The following PCDH15 variants were observed in gnomAD, a reference collection of about 807,000 sequenced individuals.
PCDH15 encodes protocadherin-15.
In PCDH15, 129 loss-of-function variants were observed where a neutral mutation model predicts 178.5. That is an observed-to-expected ratio of 0.72 (90% confidence interval 0.63 to 0.84). PCDH15 has a LOEUF of 0.84. Among genes scored for constraint, PCDH15 ranks in the 40% least tolerant of loss-of-function variants. PCDH15 has a pLI of 0.00. For missense variants in PCDH15, 2,230 were observed against 2,099.9 expected (o/e 1.06, Z -1.21); for synonymous variants, 800 against 732.0 (o/e 1.09, Z -1.50).
chr10:54,492,553 C>A (rs139518906), intron 3 of PCDH15, among the ~76,000 whole-genome samples: 1 of 152,042 alleles, frequency 6.6e-6, no homozygotes, highest in African/African-American at 2.4e-5. Flanking sequence ...AACTGTGTTC[C>A]AAAATTATTA....
chr10:53,898,834 C>G (rs2082136839), intron 26 of PCDH15, among the ~76,000 whole-genome samples: 1 of 152,256 alleles, frequency 6.6e-6, no homozygotes, highest in Non-Finnish European at 1.5e-5. Context: ...TTCACTTCCC[C>G]TGAAGCACAT....
intron 1 of PCDH15, among the ~76,000 whole-genome samples, chr10:55,179,439 G>A (rs1343996809): frequency 1.3e-5 from 2 of 152,028 alleles, no homozygotes. Context: ...TGACCAGAGT[G>A]AGAATTTCTG....
intron 8 of PCDH15, among the ~76,000 whole-genome samples, chr10:54,274,485 T>C (rs1428446455): frequency 1.3e-5 from 2 of 152,068 alleles, no homozygotes; most frequent in African/African-American, 2.4e-5. Flanking sequence ...GGACTGTTGT[T>C]TGTTTTGTGC....
At chr10:55,242,147 T>G (rs1477805210) in intron 1 of PCDH15, among the ~76,000 whole-genome samples, 1 of 152,204 alleles carries the variant, frequency 6.6e-6, no homozygotes, top group African/African-American at 2.4e-5. Flanking sequence ...TAAGTCCAAC[T>G]ATTAGAAAGA....
intron 1 of PCDH15, among the ~76,000 whole-genome samples, chr10:55,223,711 A>G (rs570341266): frequency 5.6e-4 from 84 of 150,892 alleles, no homozygotes; most frequent in African/African-American, 2.0e-3. Flanking sequence ...AAAGATCACT[A>G]TGAAGCCATA....
chr10:54,697,672 A>AG (rs1555156410), intron 1 of PCDH15, among the ~76,000 whole-genome samples: 100 of 83,554 alleles, frequency 1.2e-3, no homozygotes, highest in Non-Finnish European at 1.3e-3. Flanking sequence ...GGAAGGGGGA[A>AG]GGGGAAGGGA....
intron 35 of PCDH15, among the ~76,000 whole-genome samples, chr10:53,811,929 T>A (rs2075878582): frequency 6.6e-6 from 1 of 152,216 alleles, no homozygotes; most frequent in Admixed American, 6.5e-5. Context: ...CACTTGTTTT[T>A]GGATGTCTTT....
At position 54,664,167 on chromosome 10, in the gene PCDH15, C is replaced by T. The variant is rs190879045; in HGVS notation, c.91+5G>A. On this transcript the variant is annotated splice_donor_5th_base_variant and intron_variant, in intron 2 of 37. Coordinates refer to ENST00000644397, the MANE Select transcript of PCDH15 (RefSeq NM_001384140.1). ...CTCTAAAGGTCAAGCTAAAAGCAAC[C>T]TTACCATCATCATACTGGCCCAAGC... 40 of 1,610,126 alleles carry T rather than the reference C, an allele frequency of 2.5e-5. No homozygotes were observed. In the East Asian group the frequency reaches 8.3e-4, roughly 33 times the overall value.
At chr10:55,416,553 G>A (rs1838488728) in intron 2 of PCDH15, among the ~76,000 whole-genome samples, 1 of 151,674 alleles carries the variant, frequency 6.6e-6, no homozygotes, top group African/African-American at 2.4e-5. Context: ...TAAGGGGTGG[G>A]TATCAGGGGA....
chr10:54,976,723 G>A (rs1045974287), intron 2 of PCDH15, among the ~76,000 whole-genome samples: 24 of 152,198 alleles, frequency 1.6e-4, no homozygotes, highest in African/African-American at 5.5e-4. Flanking sequence ...GTAAGGGATT[G>A]TAGAAATTCT....
intron 21 of PCDH15, among the ~76,000 whole-genome samples, chr10:53,979,754 C>T (rs934285177): frequency 2.4e-4 from 37 of 152,084 alleles, no homozygotes; most frequent in African/African-American, 6.8e-4. Flanking sequence ...TGCTATTAAA[C>T]GGAGGTGCTA....
intron 2 of PCDH15, among the ~76,000 whole-genome samples, chr10:55,097,540 T>C (rs934173075): frequency 1.9e-4 from 29 of 152,242 alleles, no homozygotes; most frequent in African/African-American, 6.7e-4. Context: ...TACAATTCTA[T>C]AAATTAAAGG....
intron 15 of PCDH15, among the ~76,000 whole-genome samples, chr10:54,124,859 C>T (rs10763073): frequency 0.98 from 149,124 of 152,316 alleles, 73,017 homozygotes; most frequent in East Asian, 1. Context: ...AAAAACAAAT[C>T]AATACCTCTG....
intron 28 of PCDH15, among the ~76,000 whole-genome samples, chr10:53,855,904 G>GTGTATATATATATATATATATA (rs1554832765): frequency 6.7e-4 from 73 of 109,684 alleles, no homozygotes; most frequent in African/African-American, 2.6e-3. Context: ...AAGGTGATAT[G>GTGTATATATATATATATATATA]TATATATATA....
chr10:54,920,284 C>G (rs1591784166), intron 2 of PCDH15, among the ~76,000 whole-genome samples: 1 of 151,898 alleles, frequency 6.6e-6, no homozygotes, highest in South Asian at 2.1e-4. Context: ...TCGTGGCTAA[C>G]ACGGTGAAAC....
chr10:55,398,474 C>T (rs1244260608), intron 2 of PCDH15, among the ~76,000 whole-genome samples: 1 of 152,074 alleles, frequency 6.6e-6, no homozygotes, highest in Non-Finnish European at 1.5e-5. Flanking sequence ...TATCCTGTTG[C>T]TAGTTGCAAG....
At chr10:54,796,274 G>GTCTATGTATCTATCTATC (rs1951982985) in intron 1 of PCDH15, among the ~76,000 whole-genome samples, 4 of 56,960 alleles carry the variant, frequency 7.0e-5, no homozygotes, top group Admixed American at 3.2e-4. Context: ...ATCTATCTAT[G>GTCTATGTATCTATCTATC]TATCTATGTA....
chr10:55,034,736 A>G (rs570811053), intron 2 of PCDH15, among the ~76,000 whole-genome samples: 10 of 152,334 alleles, frequency 6.6e-5, no homozygotes, highest in African/African-American at 2.4e-4. Context: ...ATTCTAAAAA[A>G]TACAATTATG....
At chr10:55,060,781 T>G (rs186269921) in intron 2 of PCDH15, among the ~76,000 whole-genome samples, 3 of 152,120 alleles carry the variant, frequency 2.0e-5, no homozygotes, top group Admixed American at 2.0e-4. Flanking sequence ...AAAATAAAAC[T>G]AATTGTAGTT....
Sources: allele counts gnomAD v4.1 joint callset (sites outside exome capture counted in the v4.1 genomes callset), GRCh38; gene constraint gnomAD v4.1.1; transcripts MANE v1.5; gene names NCBI Gene and HGNC (gene_info 2026-07-23, HGNC 2026-07-21).